DEUP1: variants seen among roughly 807,000 people sequenced by gnomAD.
DEUP1 encodes the protein deuterosome assembly protein 1.
A neutral mutation model predicts 87.4 loss-of-function variants in DEUP1; 82 were observed. The ratio of observed to expected loss-of-function variants is 0.94; its 90% confidence interval spans 0.78 to 1.13. DEUP1 has a LOEUF of 1.13. Among genes scored for constraint, DEUP1 ranks in the 50% most tolerant of loss-of-function variants. The probability of loss-of-function intolerance (pLI) is 0.00; values close to 1 mark genes in which losing one functional copy is unlikely to be tolerated. For missense variants in DEUP1, 663 were observed against 681.5 expected, an observed-to-expected ratio of 0.97 and a Z score of 0.30; for synonymous variants, 214 against 222.7, an observed-to-expected ratio of 0.96 and a Z score of 0.35.
Position 93,369,990 on chromosome 11 carries a change from T to A in DEUP1, c.433-83T>A, listed in dbSNP as rs1945632950. 1.0e-5 allele frequency: 7 copies of A among 669,278 alleles called. No homozygotes were observed. In the South Asian group the frequency reaches 1.3e-4, roughly 12 times the overall value. The allele number at this position is 669,278 out of a possible 1,614,324, so 41.5% of individuals were successfully genotyped here. ...TACTTTTTTTTTCTCAGAATGAAGATGTACAAATGAAAGAAGCCTTATTTG... is the reference window on the plus strand; with the variant it reads ...TACTTTTTTTTTCTCAGAATGAAGAAGTACAAATGAAAGAAGCCTTATTTG... On this transcript the variant is annotated intron_variant, in intron 5 of 13. Coordinates refer to ENST00000298050, the MANE Select transcript of DEUP1 (RefSeq NM_181645.4).
chr11:93,342,343 T>C (rs1944123793), intron 2 of DEUP1, among the ~76,000 whole-genome samples: 1 of 152,134 alleles, frequency 6.6e-6, no homozygotes, highest in South Asian at 2.1e-4. Flanking sequence ...TACACACCAA[T>C]AGCGCACAGT....
chr11:93,349,862 T>G (rs1029979650), intron 2 of DEUP1, among the ~76,000 whole-genome samples: 1 of 152,122 alleles, frequency 6.6e-6, no homozygotes, highest in Non-Finnish European at 1.5e-5. Flanking sequence ...AGTCACCCAC[T>G]ATCACTTGCA....
intron 4 of DEUP1, among the ~76,000 whole-genome samples, chr11:93,361,585 A>G (rs1022378246): frequency 6.6e-6 from 1 of 152,100 alleles, no homozygotes; most frequent in Admixed American, 6.6e-5. Context: ...GTGATAAATT[A>G]TGTAAATATA....
chr11:93,436,882 C>T (rs1183988372), intron 13 of DEUP1, among the ~76,000 whole-genome samples: 1 of 152,028 alleles, frequency 6.6e-6, no homozygotes, highest in Admixed American at 6.6e-5. Context: ...ATTCTTTAGC[C>T]ACAGATTTTT....
intron 3 of DEUP1, 80 bp from the exon 4 acceptor site, chr11:93,356,868 T>C: frequency 1.2e-6 from 1 of 837,622 alleles, no homozygotes; most frequent in Non-Finnish European, 2.0e-6. Context: ...TTATTTGAAT[T>C]GTTCTTCTCT....
At chr11:93,380,603 C>T (rs957589359) in intron 7 of DEUP1, among the ~76,000 whole-genome samples, 4 of 151,918 alleles carry the variant, frequency 2.6e-5, no homozygotes, top group Admixed American at 2.6e-4. Flanking sequence ...CGGGGTTTCA[C>T]CAAGTTAGGC....
intron 13 of DEUP1, among the ~76,000 whole-genome samples, chr11:93,435,373 C>G (rs1355100566): frequency 1.3e-5 from 2 of 152,192 alleles, no homozygotes; most frequent in Non-Finnish European, 1.5e-5. Context: ...ATAATTCCCA[C>G]TGAGGTAGCC....
intron 12 of DEUP1, among the ~76,000 whole-genome samples, chr11:93,409,854 A>T (rs1026452055): frequency 1.3e-5 from 2 of 152,188 alleles, no homozygotes; most frequent in Non-Finnish European, 2.9e-5. Flanking sequence ...TTACTAACAA[A>T]ATTGTTAGTA....
At chr11:93,398,455 T>A (rs561084206) in intron 11 of DEUP1, among the ~76,000 whole-genome samples, 1 of 152,310 alleles carries the variant, frequency 6.6e-6, no homozygotes, top group East Asian at 1.9e-4. Context: ...TGTTTTAATT[T>A]TAATAGCTAT....
chr11:93,384,169 C>T (rs376563792), intron 7 of DEUP1, among the ~76,000 whole-genome samples: 19 of 152,178 alleles, frequency 1.2e-4, no homozygotes, highest in African/African-American at 3.4e-4. Flanking sequence ...CCCAGCAATC[C>T]GGCTTTTTTT....
At chr11:93,365,833 A>C (rs1404508377) in intron 5 of DEUP1, among the ~76,000 whole-genome samples, 1 of 152,188 alleles carries the variant, frequency 6.6e-6, no homozygotes, top group Non-Finnish European at 1.5e-5. Flanking sequence ...TTAATGTGTA[A>C]GAGATTGGCC....
At chr11:93,336,011 G>C (rs1943743324) in intron 2 of DEUP1, among the ~76,000 whole-genome samples, 1 of 152,202 alleles carries the variant, frequency 6.6e-6, no homozygotes, top group African/African-American at 2.4e-5. Context: ...TACTCAGGAG[G>C]CTGAGGCAGG....
At chr11:93,330,640 G>T (rs1943422128), upstream of DEUP1, 2 of 152,772 alleles carry the variant, frequency 1.3e-5, no homozygotes, top group South Asian at 1.8e-4. Flanking sequence ...GTCGCGCGGC[G>T]GGAGGGCCCA....
intron 2 of DEUP1, among the ~76,000 whole-genome samples, chr11:93,335,598 G>T (rs1591069949): frequency 6.6e-6 from 1 of 152,230 alleles, no homozygotes; most frequent in South Asian, 2.1e-4. Context: ...CAAGGTTTAT[G>T]CGTATATCTT....
intron 9 of DEUP1, among the ~76,000 whole-genome samples, chr11:93,394,140 T>G (rs574905780): frequency 1.3e-5 from 2 of 152,164 alleles, no homozygotes; most frequent in South Asian, 4.1e-4. Flanking sequence ...TAAAGCCAAT[T>G]TTTTTCTCCA....
intron 7 of DEUP1, among the ~76,000 whole-genome samples, chr11:93,371,821 TAACTG>T (rs1477916007): frequency 6.6e-6 from 1 of 152,244 alleles, no homozygotes; most frequent in Non-Finnish European, 1.5e-5. Flanking sequence ...TTTTTTTTCT[TAACTG>T]AATAATGTTT....
At chr11:93,435,995 CAAAA>C (rs34570659) in intron 13 of DEUP1, among the ~76,000 whole-genome samples, 1 of 126,498 alleles carries the variant, frequency 7.9e-6, no homozygotes. Context: ...GACTCCGTCT[CAAAA>C]AAAAAAAAAA....
chr11:93,396,733 CTTG>C (rs1946957780), intron 11 of DEUP1, among the ~76,000 whole-genome samples: 1 of 152,158 alleles, frequency 6.6e-6, no homozygotes, highest in Admixed American at 6.5e-5. Context: ...TGTTTTGTTG[CTTG>C]TCACTTTCCC....
chr11:93,420,429 A>C (rs1947839259), intron 13 of DEUP1, among the ~76,000 whole-genome samples: 1 of 152,332 alleles, frequency 6.6e-6, no homozygotes. Flanking sequence ...CATAAGAGCT[A>C]TCTATGACAA....
Sources: gnomAD v4.1 joint callset for allele counts (sites outside exome capture counted in the v4.1 genomes callset) on GRCh38, gnomAD v4.1.1 for gene constraint, MANE v1.5 for transcripts, NCBI Gene and HGNC (gene_info 2026-07-23, HGNC 2026-07-21) for gene names.